Variants in RASAL2 observed in about 807,000 individuals in gnomAD.
RASAL2 encodes the protein ras GTPase-activating protein nGAP.
Under a neutral mutation model 128.9 loss-of-function variants are expected in RASAL2, and 58 were observed. The observed-to-expected ratio is 0.45, with a 90% CI of 0.36 to 0.56. RASAL2 has a LOEUF of 0.56. RASAL2 is among the 20% of genes least tolerant of loss of function. RASAL2 has a pLI of 0.00. For synonymous variants in RASAL2, 561 were observed against 580.8 expected (o/e 0.97, Z 0.49); for missense variants, 1,360 against 1,601.6 (o/e 0.85, Z 2.57).
chr1:178,430,210 A>G (rs574388214), intron 5 of RASAL2, among the ~76,000 whole-genome samples: 1 of 152,244 alleles, frequency 6.6e-6, no homozygotes, highest in East Asian at 1.9e-4. Flanking sequence ...AATATGGTCT[A>G]TGTGGATATG....
At chr1:178,131,594 C>G (rs1341370230) in intron 1 of RASAL2, among the ~76,000 whole-genome samples, 1 of 152,052 alleles carries the variant, frequency 6.6e-6, no homozygotes, top group East Asian at 1.9e-4. Context: ...CTTTTAGTAA[C>G]TCTTGCAAGG....
At chr1:178,376,323 T>G (rs141915912) in intron 3 of RASAL2, among the ~76,000 whole-genome samples, 206 of 152,188 alleles carry the variant, frequency 1.4e-3, no homozygotes, top group African/African-American at 4.8e-3. Flanking sequence ...GGAGGTGAGA[T>G]AGTGGAAACC....
intron 4 of RASAL2, among the ~76,000 whole-genome samples, chr1:178,393,071 T>C (rs978199194): frequency 2.6e-5 from 4 of 152,194 alleles, no homozygotes; most frequent in African/African-American, 4.8e-5. Context: ...TAAATGTATT[T>C]GTACTCTTAT....
At chr1:178,451,965 A>G (rs1261590528) in intron 10 of RASAL2, among the ~76,000 whole-genome samples, 1 of 152,204 alleles carries the variant, frequency 6.6e-6, no homozygotes, top group Non-Finnish European at 1.5e-5. Context: ...TATTAGTACT[A>G]TAGCCTCTAA....
intron 1 of RASAL2, among the ~76,000 whole-genome samples, chr1:178,241,066 A>T (rs1315791627): frequency 6.6e-6 from 1 of 152,026 alleles, no homozygotes; most frequent in East Asian, 1.9e-4. Flanking sequence ...TGGAATTTTG[A>T]GGAAAATGAT....
chr1:178,210,511 T>G (rs976900491), intron 1 of RASAL2, among the ~76,000 whole-genome samples: 27 of 152,216 alleles, frequency 1.8e-4, no homozygotes, highest in Admixed American at 1.2e-3. Context: ...CTTAAAAGAT[T>G]TTTTGTGACT....
chr1:178,095,813 C>G (rs534587270), intron 1 of RASAL2, among the ~76,000 whole-genome samples: 2 of 152,284 alleles, frequency 1.3e-5, no homozygotes, highest in East Asian at 3.9e-4. Flanking sequence ...AGTTCTACCA[C>G]TAAATGGCTA....
intron 2 of RASAL2, among the ~76,000 whole-genome samples, chr1:178,286,491 A>G (rs907369303): frequency 3.3e-5 from 5 of 151,904 alleles, no homozygotes; most frequent in Admixed American, 1.3e-4. Context: ...GCTCACTGCA[A>G]CCTCCGCCTC....
chr1:178,456,349 T>A (rs1677771756), intron 12 of RASAL2: 2 of 271,886 alleles, frequency 7.4e-6, no homozygotes, highest in African/African-American at 4.3e-5. Flanking sequence ...TGGTTCTGCC[T>A]CCACCCTCCC....
At chr1:178,403,651 A>G (rs889846400) in intron 4 of RASAL2, among the ~76,000 whole-genome samples, 4 of 152,174 alleles carry the variant, frequency 2.6e-5, no homozygotes, top group African/African-American at 7.2e-5. Flanking sequence ...TTAGATGTGT[A>G]TCTCATACCT....
intron 16 of RASAL2, among the ~76,000 whole-genome samples, 190 bp downstream of exon 16, chr1:178,466,312 T>G (rs1647679708): frequency 6.6e-6 from 1 of 152,250 alleles, no homozygotes. Flanking sequence ...ATGAAGATAA[T>G]CTGTTTTTCT....
intron 1 of RASAL2, among the ~76,000 whole-genome samples, chr1:178,117,514 A>C (rs1659560303): frequency 6.6e-6 from 1 of 152,228 alleles, no homozygotes; most frequent in Admixed American, 6.5e-5. Flanking sequence ...CTGAATGCTG[A>C]TGTCCTCCCC....
At chr1:178,230,602 G>A (rs7543822) in intron 1 of RASAL2, among the ~76,000 whole-genome samples, 16,544 of 152,158 alleles carry the variant, frequency 0.11, 1,148 homozygotes, top group African/African-American at 0.19. Flanking sequence ...ATACAGGCCT[G>A]CAGCAACCTT....
intron 1 of RASAL2, among the ~76,000 whole-genome samples, chr1:178,103,244 G>A (rs1658971038): frequency 6.6e-6 from 1 of 151,604 alleles, no homozygotes. Context: ...TTTGTAAAGA[G>A]GTACCTCATT....
chr1:178,425,922 A>G (rs1473544710), intron 5 of RASAL2, among the ~76,000 whole-genome samples: 2 of 152,162 alleles, frequency 1.3e-5, no homozygotes, highest in Non-Finnish European at 2.9e-5. Context: ...AGGGATGGAC[A>G]TTGGTAAAAC....
chr1:178,138,747 A>G (rs536840767), intron 1 of RASAL2, among the ~76,000 whole-genome samples: 1 of 152,282 alleles, frequency 6.6e-6, no homozygotes, highest in East Asian at 1.9e-4. Flanking sequence ...ACCTTTTGGT[A>G]TGGTCACTGC....
chr1:178,166,985 TCA>T (rs747381225), intron 1 of RASAL2, among the ~76,000 whole-genome samples: 3 of 152,128 alleles, frequency 2.0e-5, no homozygotes, highest in African/African-American at 4.8e-5. Flanking sequence ...ACATGGATTT[TCA>T]CAGAGTTTTA....
intron 5 of RASAL2, among the ~76,000 whole-genome samples, chr1:178,432,194 T>C (rs1423916251): frequency 1.3e-5 from 2 of 152,108 alleles, no homozygotes; most frequent in Admixed American, 1.3e-4. Context: ...GCTATTTTAC[T>C]GTTGTCACCC....
In RASAL2 at chr1:178,240,164, G is replaced by T. The variant is rs553293356; in HGVS notation, c.203-43400G>T. ...AACATATGTTGTCCACAGTGAACAA[G>T]GTCAGTTGCTAGTGGAAATTATGGA... On this transcript the variant is annotated intron_variant, in intron 1 of 17. Coordinates refer to ENST00000367649, the MANE Select transcript of RASAL2 (RefSeq NM_170692.4). 4.6e-5 allele frequency among the ~76,000 whole-genome samples: 7 copies of T among 152,098 alleles called. No homozygotes were observed. In the South Asian group the frequency reaches 1.5e-3, roughly 32 times the overall value.
Sources: allele counts gnomAD v4.1 joint callset (sites outside exome capture counted in the v4.1 genomes callset), GRCh38; gene constraint gnomAD v4.1.1; transcripts MANE v1.5; gene names NCBI Gene and HGNC (gene_info 2026-07-23, HGNC 2026-07-21).